The following MAMDC2 variants were observed in gnomAD, a reference collection of about 807,000 sequenced individuals.
MAMDC2 encodes MAM domain-containing protein 2.
A neutral mutation model predicts 89.8 loss-of-function variants in MAMDC2; 57 were observed. The observed-to-expected ratio is 0.63, with a 90% CI of 0.51 to 0.79. The LOEUF is 0.79. Among genes scored for constraint, MAMDC2 ranks in the 30% least tolerant of loss-of-function variants. MAMDC2 has a pLI of 0.00. For missense variants in MAMDC2, 800 were observed against 820.6 expected, an observed-to-expected ratio of 0.97 and a Z score of 0.31; for synonymous variants, 313 against 293.4, an observed-to-expected ratio of 1.07 and a Z score of -0.68.
chr9:70,132,645 T>C (rs1290085531), intron 7 of MAMDC2, among the ~76,000 whole-genome samples: 2 of 152,000 alleles, frequency 1.3e-5, no homozygotes, highest in African/African-American at 4.8e-5. Flanking sequence ...CCTCAAGTGA[T>C]ATTCCTGTCT....
At chr9:70,112,076 G>C (rs1828524502) in intron 4 of MAMDC2, among the ~76,000 whole-genome samples, 1 of 152,200 alleles carries the variant, frequency 6.6e-6, no homozygotes, top group Non-Finnish European at 1.5e-5. Context: ...ATGGAAGGCA[G>C]GGTAGCCCAT....
At chr9:70,100,360 A>T (rs879662287) in intron 2 of MAMDC2, among the ~76,000 whole-genome samples, 1 of 152,224 alleles carries the variant, frequency 6.6e-6, no homozygotes, top group Non-Finnish European at 1.5e-5. Flanking sequence ...GCCACATTCA[A>T]CCACTCTACC....
intron 2 of MAMDC2, among the ~76,000 whole-genome samples, chr9:70,049,727 C>T (rs1826848011): frequency 6.6e-6 from 1 of 152,182 alleles, no homozygotes; most frequent in African/African-American, 2.4e-5. Context: ...AGATGGTCGA[C>T]CCCAGAAATG....
chr9:70,044,339 CG>C, intron 1 of MAMDC2, 108 bp downstream of exon 1: 3 of 1,259,792 alleles, frequency 2.4e-6, no homozygotes, highest in Non-Finnish European at 3.3e-6. Flanking sequence ...CATCCGAGGG[CG>C]CCTCCTGATC....
intron 7 of MAMDC2, among the ~76,000 whole-genome samples, chr9:70,135,731 T>C (rs2118384117): frequency 6.6e-6 from 1 of 152,250 alleles, no homozygotes; most frequent in South Asian, 2.1e-4. Flanking sequence ...TACATCACTG[T>C]CCCCAGAGTC....
At chr9:70,062,354 A>G (rs911868185) in intron 2 of MAMDC2, among the ~76,000 whole-genome samples, 21 of 152,100 alleles carry the variant, frequency 1.4e-4, no homozygotes, top group African/African-American at 4.6e-4. Context: ...AGCTCAGTAA[A>G]TATTTTTGAG....
intron 2 of MAMDC2, among the ~76,000 whole-genome samples, chr9:70,059,817 C>T (rs1001723482): frequency 7.2e-5 from 11 of 152,144 alleles, no homozygotes; most frequent in African/African-American, 2.4e-4. Context: ...GCCTACACTG[C>T]CACACCCAAA....
Position 70,108,474 on chromosome 9 carries a change from A to G in MAMDC2, c.412A>G (p.Lys138Glu). ...CTTGGATTTGCAAAACAGTTCCAAGAAATTCAAGGTAGGTGGAGTTTAGGA... is the reference window on the plus strand; with the variant it reads ...CTTGGATTTGCAAAACAGTTCCAAGGAATTCAAGGTAGGTGGAGTTTAGGA... The part of the protein sequence containing the change: ...ASLDLQNSSK[K>E]FKILIEGVLG... The change falls in exon 3 of 14, where the codon AAA (lysine) becomes GAA (glutamate). Residue 138 changes from lysine to glutamate, a missense_variant. Lys to Glu is a moderately conservative substitution (Grantham distance 56, BLOSUM62 1). Transcript: ENST00000377182. 6.3e-7 allele frequency: 1 copy of G among 1,596,000 alleles called. No homozygotes were observed. The highest frequency in any genetic ancestry group is 1.1e-5 in the South Asian group (1 of 87,850).
intron 2 of MAMDC2, among the ~76,000 whole-genome samples, chr9:70,101,321 G>T (rs1023730932): frequency 6.6e-6 from 1 of 151,892 alleles, no homozygotes; most frequent in African/African-American, 2.4e-5. Context: ...AAGTAAAAAG[G>T]TTATAGTAAA....
chr9:70,175,548 T>C (rs1451886957), intron 11 of MAMDC2, among the ~76,000 whole-genome samples: 1 of 152,192 alleles, frequency 6.6e-6, no homozygotes, highest in East Asian at 1.9e-4. Context: ...GCCTAATTTA[T>C]AAATTAAACT....
intron 2 of MAMDC2, among the ~76,000 whole-genome samples, chr9:70,064,063 A>G (rs944317815): frequency 5.3e-5 from 8 of 152,126 alleles, no homozygotes; most frequent in African/African-American, 1.7e-4. Context: ...GAATAAATCA[A>G]ATGTGATTCT....
chr9:70,109,904 A>G (rs1828460712), intron 4 of MAMDC2, 100 bp downstream of exon 4: 1 of 923,372 alleles, frequency 1.1e-6, no homozygotes, highest in Non-Finnish European at 1.8e-6. Context: ...CAACTATTTT[A>G]TAGAATGCAC....
chr9:70,199,477 C>T (rs1317270762), intron 11 of MAMDC2, among the ~76,000 whole-genome samples: 4 of 150,352 alleles, frequency 2.7e-5, no homozygotes, highest in African/African-American at 7.3e-5. Context: ...TGGTTCCAAG[C>T]CTCTGCTATT....
intron 2 of MAMDC2, among the ~76,000 whole-genome samples, chr9:70,100,023 A>AGAGAGAGAGAGAGC (rs1359855878): frequency 5.6e-5 from 8 of 142,894 alleles, no homozygotes; most frequent in Non-Finnish European, 7.6e-5. Context: ...AGAGAGAGAG[A>AGAGAGAGAGAGAGC]GCACAAGCAC....
intron 12 of MAMDC2, among the ~76,000 whole-genome samples, chr9:70,221,231 T>C (rs2033548828): frequency 6.7e-6 from 1 of 150,322 alleles, no homozygotes; most frequent in African/African-American, 2.5e-5. Flanking sequence ...GGCTCACATC[T>C]GTAATCCCAG....
chr9:70,204,418 G>C (rs1404166692), intron 11 of MAMDC2, among the ~76,000 whole-genome samples: 3 of 151,506 alleles, frequency 2.0e-5, no homozygotes, highest in Admixed American at 6.6e-5. Context: ...CCAGTTCTCA[G>C]ATCTCCAGCT....
intron 2 of MAMDC2, among the ~76,000 whole-genome samples, chr9:70,050,946 A>C (rs1826879125): frequency 6.6e-6 from 1 of 152,190 alleles, no homozygotes; most frequent in Non-Finnish European, 1.5e-5. Flanking sequence ...ATTTTTCTCT[A>C]TAAATTATTG....
intron 9 of MAMDC2, among the ~76,000 whole-genome samples, chr9:70,154,792 G>A (rs577969522): frequency 5.3e-5 from 8 of 152,084 alleles, no homozygotes; most frequent in Non-Finnish European, 7.4e-5. Flanking sequence ...GATTACAGGC[G>A]TGAGCCACCG....
At chr9:70,098,488 C>T (rs995669837) in intron 2 of MAMDC2, among the ~76,000 whole-genome samples, 3 of 152,126 alleles carry the variant, frequency 2.0e-5, no homozygotes, top group Non-Finnish European at 4.4e-5. Context: ...TTTTAGAAAT[C>T]TTGACATGTT....
Sources: gnomAD v4.1 joint callset for allele counts (sites outside exome capture counted in the v4.1 genomes callset) on GRCh38, gnomAD v4.1.1 for gene constraint, MANE v1.5 for transcripts, NCBI Gene and HGNC (gene_info 2026-07-23, HGNC 2026-07-21) for gene names.